CYFIP2: variants seen among roughly 807,000 people sequenced by gnomAD.
CYFIP2 encodes cytoplasmic FMR1 interacting protein 2.
Under a neutral mutation model 158.7 loss-of-function variants are expected in CYFIP2, and 29 were observed. That is an observed-to-expected ratio of 0.18 (90% CI 0.14 to 0.25). The LOEUF is 0.25. CYFIP2 is among the 10% of genes least tolerant of loss of function. The probability of loss-of-function intolerance (pLI) is 1.00; values close to 1 mark genes in which losing one functional copy is unlikely to be tolerated. For synonymous variants in CYFIP2, 585 were observed against 617.6 expected, an observed-to-expected ratio of 0.95 and a Z score of 0.78; for missense variants, 852 against 1,639.5, an observed-to-expected ratio of 0.52 and a Z score of 8.29.
rs1724603722 is a variant in CYFIP2 at position 157,393,563 on chromosome 5, C to CTT, written c.*563_*564insTT. ...ATTCTACCACATAGGCTTCCCAAAG[C>CTT]CCCATTCTAACTCCCCTCTCTCAGG... On this transcript the variant is annotated 3_prime_UTR_variant, in exon 31 of 31. Coordinates refer to ENST00000620254, the MANE Select transcript of CYFIP2 (RefSeq NM_001037333.3). 1 of 152,670 alleles carries CTT rather than the reference C, an allele frequency of 6.6e-6. No homozygotes were observed. Among genetic ancestry groups the CTT allele is most frequent in the South Asian group, 2.1e-4 (1 of 4,840 alleles). 9.5% of individuals were successfully genotyped at this position (152,670 alleles called of 1,614,324 possible).
chr5:157,385,974 C>T (rs780683729), intron 28 of CYFIP2, among the ~76,000 whole-genome samples: 1 of 152,080 alleles, frequency 6.6e-6, no homozygotes, highest in Non-Finnish European at 1.5e-5. Flanking sequence ...TAACACCAAA[C>T]TGCAAATTGA....
intron 27 of CYFIP2, among the ~76,000 whole-genome samples, chr5:157,382,907 C>A (rs1766271454): frequency 6.6e-6 from 1 of 152,156 alleles, no homozygotes; most frequent in Admixed American, 6.5e-5. Context: ...CATTCAAATT[C>A]TTCAACAAAT....
At chr5:157,278,265 G>T (rs1455337043) in intron 1 of CYFIP2, among the ~76,000 whole-genome samples, 1 of 152,102 alleles carries the variant, frequency 6.6e-6, no homozygotes, top group East Asian at 1.9e-4. Context: ...ATAGCCTCTG[G>T]CTGGAGCGCC....
At chr5:157,308,252 GC>G (rs1398432331) in intron 9 of CYFIP2, among the ~76,000 whole-genome samples, 10 of 151,764 alleles carry the variant, frequency 6.6e-5, no homozygotes, top group Admixed American at 5.9e-4. Context: ...ATAAATCAGA[GC>G]TCGCAGAAGT....
chr5:157,381,399 C>G (rs868711162), intron 26 of CYFIP2, among the ~76,000 whole-genome samples: 4 of 151,234 alleles, frequency 2.6e-5, no homozygotes, highest in Admixed American at 6.6e-5. Flanking sequence ...TGATGGCGAG[C>G]GCCTGTAGTC....
Position 157,311,226 on chromosome 5 carries a change from G to A in CYFIP2, c.993-438G>A, listed in dbSNP as rs1057085284. The stretch of plus-strand genomic sequence containing the variant: ...GAGGCACAGTCACATTCATATTTCC[G>A]CAATCCCAGCCCAAAGGCCCCCCAA... On this transcript the variant is annotated intron_variant, in intron 10 of 30. Coordinates refer to ENST00000620254, the MANE Select transcript of CYFIP2 (RefSeq NM_001037333.3). The surrounding 1 kb of genome is among the most constrained non-coding windows in gnomAD (Gnocchi z 4.7). 12 of 387,880 alleles carry A rather than the reference G, an allele frequency of 3.1e-5. No homozygotes were observed. The highest frequency in any genetic ancestry group is 4.2e-5 in the African/African-American group (2 of 47,906). The allele number at this position is 387,880 out of a possible 1,614,324, so 24.0% of individuals were successfully genotyped here.
chr5:157,282,054 C>T (rs1321483456), intron 1 of CYFIP2, among the ~76,000 whole-genome samples: 3 of 152,166 alleles, frequency 2.0e-5, no homozygotes, highest in African/African-American at 7.2e-5. Context: ...CATAGTTTAT[C>T]CAGACAGTCC....
intron 26 of CYFIP2, among the ~76,000 whole-genome samples, chr5:157,373,070 A>C (rs1765140940): frequency 6.6e-6 from 1 of 152,136 alleles, no homozygotes; most frequent in African/African-American, 2.4e-5. Flanking sequence ...TAAATTTTAT[A>C]CTCTCCAGCT....
Position 157,311,556 on chromosome 5 carries a change from C to T in CYFIP2, c.993-108C>T, listed in dbSNP as rs1759726982. 2.2e-6 allele frequency: 2 copies of T among 894,992 alleles called. No individual in the cohort carries two copies. Among genetic ancestry groups the T allele is most frequent in the East Asian group, 5.3e-5 (2 of 37,536 alleles). 55.4% of individuals were successfully genotyped at this position (894,992 alleles called of 1,614,324 possible). A position where few individuals can be genotyped will look rare whatever the true frequency, so the allele number is the denominator to read the frequency against. ...AGGCGGCTGGGATACCATTTGGTGT[C>T]ACCCAGGGGAGTTGGCCACGTGGGC... On this transcript the variant is annotated intron_variant, in intron 10 of 30. Transcript: ENST00000620254. The surrounding 1 kb of genome is among the most constrained non-coding windows in gnomAD (Gnocchi z 4.7).
Position 157,383,252 on chromosome 5 carries a change from A to C in CYFIP2, c.3113-13A>C, listed in dbSNP as rs757101041. ...CCTGAGTCTCATTTTCTGCTCTGCG[A>C]CTCCTTTTGCAGAGGGGGAGCGCCT... On this transcript the variant is annotated splice_polypyrimidine_tract_variant and intron_variant, in intron 27 of 30. Transcript: ENST00000620254. 8.1e-6 allele frequency: 13 copies of C among 1,612,090 alleles called. No homozygotes were observed. The highest frequency in any genetic ancestry group is 1.3e-5 in the African/African-American group (1 of 74,548).
intron 1 of CYFIP2, 128 bp from the exon 2 acceptor site, chr5:157,285,211 T>G: frequency 1.6e-6 from 1 of 622,546 alleles, no homozygotes; most frequent in South Asian, 1.9e-5. Flanking sequence ...GAAGAAGTGG[T>G]GAGTGGAAGT....
chr5:157,274,827 T>C (rs6896083), intron 1 of CYFIP2, among the ~76,000 whole-genome samples: 4,321 of 152,318 alleles, frequency 0.028, 220 homozygotes, highest in African/African-American at 0.1. Flanking sequence ...TCTTTCTGTG[T>C]GCTTATTGGC....
intron 20 of CYFIP2, 23 bp downstream of exon 20, chr5:157,330,873 T>A (rs1168867206): frequency 2.0e-5 from 31 of 1,582,376 alleles, no homozygotes; most frequent in Non-Finnish European, 2.7e-5. Flanking sequence ...GAAGCCACCT[T>A]GGAGATGGAA....
chr5:157,350,695 T>C (rs1763008728), intron 23 of CYFIP2, among the ~76,000 whole-genome samples: 2 of 152,220 alleles, frequency 1.3e-5, no homozygotes, highest in African/African-American at 4.8e-5. Flanking sequence ...GGGAATTGCA[T>C]TGAATTTGTG....
At chr5:157,327,866 A>G (rs2058004576) in intron 18 of CYFIP2, 107 bp from the exon 19 acceptor site, 6 of 1,036,958 alleles carry the variant, frequency 5.8e-6, no homozygotes, top group Non-Finnish European at 8.6e-6. Flanking sequence ...GTCTTTCCCC[A>G]GAATGCACTC....
chr5:157,385,553 C>T (rs1766594239), intron 28 of CYFIP2, among the ~76,000 whole-genome samples: 1 of 152,032 alleles, frequency 6.6e-6, no homozygotes, highest in African/African-American at 2.4e-5. Context: ...TGGTTTGTTG[C>T]CCCACACTAT....
At chr5:157,379,815 GA>G (rs1287350296) in intron 26 of CYFIP2, among the ~76,000 whole-genome samples, 4 of 151,982 alleles carry the variant, frequency 2.6e-5, no homozygotes, top group African/African-American at 9.7e-5. Flanking sequence ...CCACTGCCCA[GA>G]CAGAGCCTAT....
chr5:157,345,066 C>G (rs1266296941), intron 23 of CYFIP2, among the ~76,000 whole-genome samples: 5 of 152,246 alleles, frequency 3.3e-5, no homozygotes, highest in Admixed American at 1.3e-4. Context: ...CGGATGTGCT[C>G]AGACCCTTCC....
At chr5:157,284,956 G>A (rs1014774372) in intron 1 of CYFIP2, among the ~76,000 whole-genome samples, 12 of 152,196 alleles carry the variant, frequency 7.9e-5, no homozygotes, top group African/African-American at 2.4e-4. Context: ...AACAAAAGGT[G>A]GAGAAACTAA....
Sources: allele counts gnomAD v4.1 joint callset (sites outside exome capture counted in the v4.1 genomes callset), GRCh38; gene constraint gnomAD v4.1.1; non-coding constraint Gnocchi (gnomAD v3.1); transcripts MANE v1.5; gene names NCBI Gene and HGNC (gene_info 2026-07-23, HGNC 2026-07-21).